The following MYH16 variants were observed in gnomAD, a reference collection of about 807,000 sequenced individuals.
MYH16 encodes the protein myosin heavy chain 16.
In MYH16 at chr7:99,304,970, G is replaced by A. The variant is rs559753444; in HGVS notation, n.5434+214G>A. 1.3e-5 allele frequency among the ~76,000 whole-genome samples: 2 copies of A among 152,266 alleles called. 1 individual carries two copies. The highest frequency in any genetic ancestry group is 4.1e-4 in the South Asian group (2 of 4,826). On this transcript the variant is annotated intron_variant and non_coding_transcript_variant, in intron 40 of 41. Transcript: ENST00000439784. ...GGAGGCCAAGGCGGGAGGATCGCTT[G>A]AGGCCAGGAGTTTGAGACCAGCCGG...
At chr7:99,300,527 C>T (rs1169942489) in intron 37 of MYH16, among the ~76,000 whole-genome samples, 1 of 152,122 alleles carries the variant, frequency 6.6e-6, no homozygotes, top group Non-Finnish European at 1.5e-5. Context: ...CAATGCTGGA[C>T]ACATTTGGTG....
At chr7:99,275,659 A>G (rs1268536690) in intron 20 of MYH16, among the ~76,000 whole-genome samples, 1 of 152,044 alleles carries the variant, frequency 6.6e-6, no homozygotes, top group East Asian at 1.9e-4. Flanking sequence ...CTTCTGAGCA[A>G]GACATGGTAG....
rs74565451 is a variant in MYH16 at position 99,293,040 on chromosome 7, G to A, written n.4149+532G>A. 1.1e-4 allele frequency among the ~76,000 whole-genome samples: 17 copies of A among 152,166 alleles called. No homozygotes were observed. The East Asian group carries it at 3.3e-3, about 29-fold the overall frequency. ...GAAAGTGGCTCTGGGCCTCTCTCTG[G>A]TGTAAAAGGAGGCTGGCCTGGGTGT... On this transcript the variant is annotated intron_variant and non_coding_transcript_variant, in intron 32 of 41. Transcript: ENST00000439784.
At chr7:99,239,598 G>C (rs781030299) in intron 1 of MYH16, among the ~76,000 whole-genome samples, 1 of 152,218 alleles carries the variant, frequency 6.6e-6, no homozygotes, top group African/African-American at 2.4e-5. Context: ...CCTGGCTAAT[G>C]ATGGCTTGCA....
intron 1 of MYH16, among the ~76,000 whole-genome samples, chr7:99,240,968 A>G (rs1427241315): frequency 2.0e-5 from 3 of 152,318 alleles, no homozygotes; most frequent in Non-Finnish European, 4.4e-5. Context: ...TTTGAACGAA[A>G]GTCAAGCTTA....
At chr7:99,302,665 G>A (rs976416888) in intron 38 of MYH16, among the ~76,000 whole-genome samples, 1 of 152,076 alleles carries the variant, frequency 6.6e-6, no homozygotes, top group African/African-American at 2.4e-5. Flanking sequence ...AGGACTGCTT[G>A]AGGCCAAGAG....
chr7:99,296,992 C>T (rs1792509026), intron 34 of MYH16, 75 bp downstream of exon 15: 1 of 431,506 alleles, frequency 2.3e-6, no homozygotes, highest in Admixed American at 2.5e-5. Flanking sequence ...ATCCTGAGCA[C>T]ATCATCAGTT....
At chr7:99,285,624 C>T (rs542093399) in intron 27 of MYH16, among the ~76,000 whole-genome samples, 186 bp downstream of exon 9, 4 of 152,268 alleles carry the variant, frequency 2.6e-5, no homozygotes, top group Non-Finnish European at 4.4e-5. Flanking sequence ...TTAATCATGA[C>T]GTGAAAGGCA....
chr7:99,271,643 G>A (rs1357376191), intron 19 of MYH16, among the ~76,000 whole-genome samples: 1 of 152,206 alleles, frequency 6.6e-6, no homozygotes, highest in Non-Finnish European at 1.5e-5. Context: ...GGTTTTATGT[G>A]ATAACTTGAT....
chr7:99,244,134 A>AACCAAACATCCATCCATCCATCC, intron 2 of MYH16, among the ~76,000 whole-genome samples: 1 of 151,814 alleles, frequency 6.6e-6, no homozygotes, highest in East Asian at 1.9e-4. Context: ...TCCATCCATC[A>AACCAAACATCCATCCATCCATCC]ACCAAACATC....
intron 30 of MYH16, among the ~76,000 whole-genome samples, chr7:99,289,727 C>T (rs761703424): frequency 1.3e-5 from 2 of 152,142 alleles, no homozygotes; most frequent in African/African-American, 2.4e-5. Flanking sequence ...CATGTGTCAA[C>T]GATTTATTTA....
intron 2 of MYH16, among the ~76,000 whole-genome samples, chr7:99,245,969 A>G (rs544167445): frequency 1.3e-5 from 2 of 152,128 alleles, no homozygotes; most frequent in South Asian, 2.1e-4. Context: ...TGGGAGGCCA[A>G]CGTGGGTGGA....
chr7:99,277,510 AAC>A (rs1396542783), intron 20 of MYH16, 27 bp from the exon 3 acceptor site: 1 of 452,444 alleles, frequency 2.2e-6, no homozygotes, highest in African/African-American at 2.0e-5. Flanking sequence ...CCATTCTCCT[AAC>A]ACTCTTTGGT....
At chr7:99,273,378 GTTCCT>G in exon 20 of MYH16, 1 of 456,744 alleles carries the variant, frequency 2.2e-6, no homozygotes, top group Non-Finnish European at 4.4e-6. Context: ...ACGTGCACAA[GTTCCT>G]GCAGCTCCGT....
chr7:99,288,437 CTAAAATAAAA>C (rs756501916), intron 29 of MYH16, among the ~76,000 whole-genome samples: 11 of 150,976 alleles, frequency 7.3e-5, no homozygotes, highest in East Asian at 5.9e-4. Context: ...GACCCTGTCT[CTAAAATAAAA>C]TAAAATAAAA....
At chr7:99,275,506 G>C (rs995991004) in intron 20 of MYH16, among the ~76,000 whole-genome samples, 1 of 152,184 alleles carries the variant, frequency 6.6e-6, no homozygotes, top group South Asian at 2.1e-4. Context: ...TTGTGGATTT[G>C]AGTTTTCATT....
chr7:99,251,957 A>G (rs1244069550), intron 6 of MYH16, among the ~76,000 whole-genome samples: 3 of 152,170 alleles, frequency 2.0e-5, no homozygotes, highest in Admixed American at 6.5e-5. Context: ...TGGGCAACAG[A>G]GTAAGACCCC....
intron 9 of MYH16, among the ~76,000 whole-genome samples, chr7:99,256,573 A>G (rs1201185186): frequency 6.6e-6 from 1 of 152,234 alleles, no homozygotes; most frequent in East Asian, 1.9e-4. Flanking sequence ...CAGGAGTTCA[A>G]GACCAGCCTG....
intron 37 of MYH16, among the ~76,000 whole-genome samples, chr7:99,300,127 T>TTTTTGTA (rs1479397567): frequency 6.6e-6 from 1 of 151,228 alleles, no homozygotes; most frequent in Non-Finnish European, 1.5e-5. Context: ...GCCCAGCTAA[T>TTTTTGTA]TTTTGTATTT....
Sources: gnomAD v4.1 joint callset for allele counts (sites outside exome capture counted in the v4.1 genomes callset) on GRCh38, gnomAD v4.1.1 for gene constraint, MANE v1.5 for transcripts, NCBI Gene and HGNC (gene_info 2026-07-23, HGNC 2026-07-21) for gene names.